CSMD1: variants seen among roughly 807,000 people sequenced by gnomAD.
The protein encoded by CSMD1 is CUB and sushi domain-containing protein 1.
A neutral mutation model predicts 417.5 loss-of-function variants in CSMD1; 213 were observed. That is an observed-to-expected ratio of 0.51 (90% CI 0.46 to 0.57). CSMD1 has a LOEUF of 0.57. Among genes scored for constraint, CSMD1 ranks in the 20% least tolerant of loss-of-function variants. The pLI is 0.00. For synonymous variants in CSMD1, 2,862 were observed against 1,736.8 expected, an observed-to-expected ratio of 1.65 and a Z score of -16.11; for missense variants, 6,923 against 4,529.7, an observed-to-expected ratio of 1.53 and a Z score of -15.17.
chr8:4,932,801 T>C (rs1188254008), intron 1 of CSMD1, among the ~76,000 whole-genome samples: 3 of 152,158 alleles, frequency 2.0e-5, no homozygotes, highest in African/African-American at 7.2e-5. Context: ...TCAATAGAGT[T>C]TTACCCCTTC....
chr8:4,334,581 ATCTCTATTTT>A (rs1366166656), intron 3 of CSMD1, among the ~76,000 whole-genome samples: 1 of 152,116 alleles, frequency 6.6e-6, no homozygotes, highest in Admixed American at 6.6e-5. Flanking sequence ...ACAGAGAGAC[ATCTCTATTTT>A]TATTTCTCTA....
At chr8:3,366,253 C>T (rs1181654067) in intron 20 of CSMD1, among the ~76,000 whole-genome samples, 1 of 152,098 alleles carries the variant, frequency 6.6e-6, no homozygotes, top group Non-Finnish European at 1.5e-5. Context: ...AGGGTGGGGG[C>T]ATGCTGGAAA....
Position 4,173,354 on chromosome 8 carries a change from G to A in CSMD1, c.416-141255C>T, listed in dbSNP as rs142131815. Among the ~76,000 whole-genome samples, 25 of 152,240 alleles carry A rather than the reference G, an allele frequency of 1.6e-4. 1 individual carries two copies. Among genetic ancestry groups the A allele is most frequent in the African/African-American group, 5.5e-4 (23 of 41,518 alleles). On this transcript the variant is annotated intron_variant, in intron 3 of 69. Transcript: ENST00000635120. ...AAACCTAACCAGATATTCAGTATGTGGTGATGCTGAACAGAAGATGAGACA... is the reference window on the plus strand; with the variant it reads ...AAACCTAACCAGATATTCAGTATGTAGTGATGCTGAACAGAAGATGAGACA...
At chr8:3,856,266 T>C (rs1011112646) in intron 5 of CSMD1, among the ~76,000 whole-genome samples, 4 of 152,112 alleles carry the variant, frequency 2.6e-5, no homozygotes, top group Admixed American at 2.6e-4. Flanking sequence ...ACTTGGCCCA[T>C]GTAAGACACA....
At chr8:3,705,185 G>C (rs1200890371) in intron 7 of CSMD1, among the ~76,000 whole-genome samples, 3 of 152,188 alleles carry the variant, frequency 2.0e-5, no homozygotes, top group Non-Finnish European at 4.4e-5. Flanking sequence ...TCGCCACTGA[G>C]CTGTGGCTGC....
At position 3,528,869 on chromosome 8, in the gene CSMD1, CTGTA is replaced by C. The variant is rs1225509988; in HGVS notation, c.1345-35147_1345-35144del. Among the ~76,000 whole-genome samples the C allele has an allele frequency of 2.6e-5, 4 of 152,132 alleles. No individual in the cohort carries two copies. The East Asian group carries it at 5.8e-4, about 22-fold the overall frequency. On this transcript the variant is annotated intron_variant, in intron 10 of 69. Transcript: ENST00000635120. ...TGCCAACTAAATGAGTTTTAATACTCTGTATGTATTATAACTGTGCATTTCATTT... is the reference window on the plus strand; with the variant it reads ...TGCCAACTAAATGAGTTTTAATACTCTGTATTATAACTGTGCATTTCATTT...
At chr8:4,963,544 C>T (rs77691976) in intron 1 of CSMD1, among the ~76,000 whole-genome samples, 1 of 152,118 alleles carries the variant, frequency 6.6e-6, no homozygotes, top group African/African-American at 2.4e-5. Context: ...ACCTCCCTTA[C>T]CTGCTTTTGT....
At chr8:3,593,483 T>C (rs530182295) in intron 8 of CSMD1, among the ~76,000 whole-genome samples, 3 of 152,146 alleles carry the variant, frequency 2.0e-5, no homozygotes, top group Non-Finnish European at 4.4e-5. Flanking sequence ...GGAGGAGAGA[T>C]GCCTGCTCTC....
At chr8:3,478,641 G>C (rs947307446) in intron 11 of CSMD1, among the ~76,000 whole-genome samples, 1 of 152,052 alleles carries the variant, frequency 6.6e-6, no homozygotes, top group Admixed American at 6.6e-5. Flanking sequence ...ACAGGCAACA[G>C]AAGGACCCCA....
intron 5 of CSMD1, among the ~76,000 whole-genome samples, chr8:3,765,152 C>G (rs1016902768): frequency 1.3e-5 from 2 of 152,176 alleles, no homozygotes; most frequent in East Asian, 1.9e-4. Context: ...CGATTTGTTT[C>G]TAGCCTCATT....
intron 2 of CSMD1, among the ~76,000 whole-genome samples, chr8:4,548,662 G>C (rs1027987341): frequency 6.6e-6 from 1 of 152,042 alleles, no homozygotes; most frequent in Non-Finnish European, 1.5e-5. Flanking sequence ...ATCACAATTA[G>C]GTGTTTGATT....
intron 69 of CSMD1, among the ~76,000 whole-genome samples, chr8:2,939,737 T>C (rs13264537): frequency 6.6e-6 from 1 of 152,324 alleles, no homozygotes; most frequent in South Asian, 2.1e-4. Flanking sequence ...GGCACATGGC[T>C]CTGAGAAAAA....
intron 2 of CSMD1, among the ~76,000 whole-genome samples, chr8:4,483,232 T>G (rs1195752512): frequency 6.6e-6 from 1 of 152,198 alleles, no homozygotes; most frequent in African/African-American, 2.4e-5. Context: ...CCTTTCACCT[T>G]CCACCATGAC....
At chr8:3,286,448 G>A (rs140124539) in intron 25 of CSMD1, among the ~76,000 whole-genome samples, 17,281 of 152,106 alleles carry the variant, frequency 0.11, 1,038 homozygotes, top group Middle Eastern at 0.16. Context: ...CACCAAGAGT[G>A]TGAAAGTGTT....
intron 3 of CSMD1, among the ~76,000 whole-genome samples, chr8:4,160,060 A>T (rs997253571): frequency 6.6e-6 from 1 of 151,358 alleles, no homozygotes; most frequent in Non-Finnish European, 1.5e-5. Context: ...ACCAAATACC[A>T]CCTGTTCTCC....
intron 2 of CSMD1, among the ~76,000 whole-genome samples, chr8:4,633,104 C>T (rs375447043): frequency 6.6e-6 from 1 of 152,068 alleles, no homozygotes; most frequent in African/African-American, 2.4e-5. Context: ...GAGAGGGGAG[C>T]CTGGGGCAGG....
At chr8:3,833,703 G>T (rs897480548) in intron 5 of CSMD1, among the ~76,000 whole-genome samples, 1 of 151,978 alleles carries the variant, frequency 6.6e-6, no homozygotes, top group African/African-American at 2.4e-5. Flanking sequence ...CTTTCTGACT[G>T]GTTACATATA....
At chr8:4,392,463 C>A (rs1279944133) in intron 3 of CSMD1, among the ~76,000 whole-genome samples, 1 of 152,024 alleles carries the variant, frequency 6.6e-6, no homozygotes, top group Non-Finnish European at 1.5e-5. Flanking sequence ...AATTATCAGT[C>A]CATTGGCATC....
At chr8:4,187,188 C>A (rs1798731129) in intron 3 of CSMD1, among the ~76,000 whole-genome samples, 1 of 152,158 alleles carries the variant, frequency 6.6e-6, no homozygotes, top group East Asian at 1.9e-4. Context: ...TTAAAACAAT[C>A]TGGGACATTG....
Sources: gnomAD v4.1 joint callset for allele counts (sites outside exome capture counted in the v4.1 genomes callset) on GRCh38, gnomAD v4.1.1 for gene constraint, MANE v1.5 for transcripts, NCBI Gene and HGNC (gene_info 2026-07-23, HGNC 2026-07-21) for gene names.